Variants in ENPEP observed in about 807,000 individuals in gnomAD.
ENPEP encodes the protein AP-A.
In ENPEP, 103 loss-of-function variants were observed where a neutral mutation model predicts 114.5. The ratio of observed to expected loss-of-function variants is 0.90; its 90% CI spans 0.77 to 1.06. The LOEUF (loss-of-function observed/expected upper bound fraction) is 1.06. ENPEP is among the 50% of genes least tolerant of loss of function. The pLI is 0.00. For synonymous variants in ENPEP, 420 were observed against 422.0 expected (o/e 1.00, Z 0.06); for missense variants, 1,196 against 1,161.3 (o/e 1.03, Z -0.43).
chr4:110,490,835 G>A (rs1364093199), intron 2 of ENPEP, among the ~76,000 whole-genome samples, 198 bp from the exon 3 acceptor site: 1 of 152,142 alleles, frequency 6.6e-6, no homozygotes, highest in Non-Finnish European at 1.5e-5. Flanking sequence ...GTGTAATTCA[G>A]TCAGTCTTTA....
At chr4:110,499,870 A>G (rs1037266963) in intron 3 of ENPEP, among the ~76,000 whole-genome samples, 1 of 152,276 alleles carries the variant, frequency 6.6e-6, no homozygotes, top group Admixed American at 6.5e-5. Context: ...TTCTATTATT[A>G]TTAATAATTC....
chr4:110,499,977 A>T (rs1187088441), intron 3 of ENPEP: 1 of 152,228 alleles, frequency 6.6e-6, no homozygotes, highest in Non-Finnish European at 1.5e-5. Context: ...TAATAAGACT[A>T]ATAAGTAATC....
chr4:110,499,788 G>A (rs915990677), intron 3 of ENPEP, among the ~76,000 whole-genome samples: 22 of 152,150 alleles, frequency 1.4e-4, no homozygotes, highest in African/African-American at 5.3e-4. Context: ...GGATTTATTA[G>A]TGTGGATTAG....
rs186638121 is a variant in ENPEP, at chr4:110,560,039, C to T, written c.2721+314C>T. The stretch of plus-strand genomic sequence containing the variant: ...GCTCCCACTTATGAGAGAGAACATG[C>T]GGTGTTTGGTTTTCTGTTCCTGTAT... On this transcript the variant is annotated intron_variant, in intron 19 of 19. Coordinates refer to ENST00000265162, the MANE Select transcript of ENPEP (RefSeq NM_001977.4). Among the ~76,000 whole-genome samples the T allele has an allele frequency of 7.2e-5, 11 of 152,192 alleles. No individual in the cohort carries two copies. In the East Asian group the frequency reaches 1.4e-3, roughly 19 times the overall value.
intron 6 of ENPEP, 113 bp from the exon 7 acceptor site, chr4:110,513,302 A>C: frequency 6.5e-5 from 73 of 1,130,002 alleles, no homozygotes; most frequent in Non-Finnish European, 8.6e-5. Context: ...ATGTTTAAGT[A>C]ACTTAAGTCA....
chr4:110,482,607 C>G (rs1452668643), intron 1 of ENPEP, among the ~76,000 whole-genome samples: 1 of 152,162 alleles, frequency 6.6e-6, no homozygotes, highest in African/African-American at 2.4e-5. Context: ...TATACTCAAG[C>G]ACATGTAGTT....
At chr4:110,492,427 A>G (rs1332577722) in intron 3 of ENPEP, among the ~76,000 whole-genome samples, 1 of 152,172 alleles carries the variant, frequency 6.6e-6, no homozygotes, top group Non-Finnish European at 1.5e-5. Flanking sequence ...TTTCTGTGAA[A>G]TGAACAAAGG....
At chr4:110,490,687 G>A (rs1055216450) in intron 2 of ENPEP, among the ~76,000 whole-genome samples, 4 of 152,190 alleles carry the variant, frequency 2.6e-5, no homozygotes, top group African/African-American at 4.8e-5. Flanking sequence ...ATCTGAGCAC[G>A]AGTCTGTTTT....
At chr4:110,552,313 T>C (rs1003108325) in intron 17 of ENPEP, among the ~76,000 whole-genome samples, 8 of 152,184 alleles carry the variant, frequency 5.3e-5, no homozygotes, top group Non-Finnish European at 8.8e-5. Flanking sequence ...GCATGGACTT[T>C]ATTTAAGCTT....
intron 10 of ENPEP, among the ~76,000 whole-genome samples, chr4:110,529,864 A>T (rs1352342686): frequency 6.6e-6 from 1 of 152,132 alleles, no homozygotes; most frequent in Non-Finnish European, 1.5e-5. Context: ...ACCTGAGGTC[A>T]GGAGTTCGAG....
At chr4:110,504,943 C>T (rs986501393) in intron 3 of ENPEP, among the ~76,000 whole-genome samples, 1 of 152,178 alleles carries the variant, frequency 6.6e-6, no homozygotes, top group African/African-American at 2.4e-5. Flanking sequence ...TTGTGTGCAG[C>T]ACCAAAGCAC....
At chr4:110,526,130 G>A (rs1726186307) in intron 10 of ENPEP, among the ~76,000 whole-genome samples, 1 of 152,004 alleles carries the variant, frequency 6.6e-6, no homozygotes, top group Non-Finnish European at 1.5e-5. Context: ...ACAAAAATTA[G>A]CCGGGCATGG....
At chr4:110,481,984 A>G (rs1475273203) in intron 1 of ENPEP, among the ~76,000 whole-genome samples, 7 of 152,154 alleles carry the variant, frequency 4.6e-5, no homozygotes, top group Non-Finnish European at 8.8e-5. Context: ...GGACAAGAAA[A>G]TTAGTTTGTA....
chr4:110,489,110 A>G (rs1483818204), intron 2 of ENPEP, among the ~76,000 whole-genome samples: 3 of 152,184 alleles, frequency 2.0e-5, no homozygotes, highest in Non-Finnish European at 4.4e-5. Flanking sequence ...ACTATTTAAA[A>G]AAATCATCAC....
In ENPEP at chr4:110,548,139, G is replaced by GTTTTT. The variant is rs3042468; in HGVS notation, c.2001-16_2001-12dup. The GTTTTT allele has an allele frequency of 3.1e-3, 2,137 of 691,106 alleles. 19 individuals are homozygous for GTTTTT. Among genetic ancestry groups the GTTTTT allele is most frequent in the Middle Eastern group, 4.5e-3 (13 of 2,858 alleles). 42.8% of individuals were successfully genotyped at this position (691,106 alleles called of 1,614,324 possible). On this transcript the variant is annotated intron_variant, in intron 13 of 19. Coordinates refer to ENST00000265162, the MANE Select transcript of ENPEP (RefSeq NM_001977.4). ...GTCTGTGGTTTTTAATTAACTGTGA[G>GTTTTT]TTTTTTTTTTTTTTTTTTTTTTTTT...
At position 110,476,865 on chromosome 4, in the gene ENPEP, T is replaced by C. The variant is rs1302003202; in HGVS notation, c.451T>C (p.Ser151Pro). 6.8e-6 allele frequency: 11 copies of C among 1,613,968 alleles called. No homozygotes were observed. The highest frequency in any genetic ancestry group is 9.3e-6 in the Non-Finnish European group (11 of 1,180,018). The change falls in exon 1 of 20, where the codon TCT becomes CCT. Residue 151 changes from serine (S) to proline (P), a missense_variant. Coordinates refer to ENST00000265162, the MANE Select transcript of ENPEP (RefSeq NM_001977.4). The part of the protein sequence containing the change: ...ITRLPELKRP[S>P]GDQVQVRRCF... ...CCGGCTCCCGGAGCTGAAGAGGCCC[T>C]CTGGGGACCAGGTGCAAGTCCGGAG...
chr4:110,477,837 T>C (rs1266281347), intron 1 of ENPEP, among the ~76,000 whole-genome samples: 1 of 152,094 alleles, frequency 6.6e-6, no homozygotes, highest in African/African-American at 2.4e-5. Context: ...TCTAGATAGA[T>C]AGGTATTTAT....
chr4:110,556,185 T>C (rs2110401238), intron 18 of ENPEP, among the ~76,000 whole-genome samples: 1 of 152,220 alleles, frequency 6.6e-6, no homozygotes, highest in East Asian at 1.9e-4. Context: ...TTTAAATTCC[T>C]GTTTTCTTAT....
At chr4:110,556,578 C>T (rs1387915913) in intron 18 of ENPEP, among the ~76,000 whole-genome samples, 1 of 151,336 alleles carries the variant, frequency 6.6e-6, no homozygotes, top group African/African-American at 2.4e-5. Flanking sequence ...CAGTCTTGTA[C>T]ACTGAATCCT....
Sources: allele counts gnomAD v4.1 joint callset (sites outside exome capture counted in the v4.1 genomes callset), GRCh38; gene constraint gnomAD v4.1.1; transcripts MANE v1.5; gene names NCBI Gene and HGNC (gene_info 2026-07-23, HGNC 2026-07-21).